The following DLC1 variants were observed in gnomAD, a reference collection of about 807,000 sequenced individuals.
DLC1 encodes the protein DLC1 Rho GTPase activating protein.
DLC1 carries 54 observed loss-of-function variants against 140.3 expected under a neutral mutation model. That is an observed-to-expected ratio of 0.38 (90% CI 0.31 to 0.48). The LOEUF (loss-of-function observed/expected upper bound fraction) is 0.48, where lower values mean the gene tolerates loss of function less well. Among genes scored for constraint, DLC1 ranks in the 20% least tolerant of loss-of-function variants. The pLI, the probability that DLC1 is intolerant of heterozygous loss-of-function variation, is 0.96. For missense variants in DLC1, 2,536 were observed against 1,907.0 expected (o/e 1.33, Z -6.14); for synonymous variants, 986 against 728.1 (o/e 1.35, Z -5.70).
intron 1 of DLC1, among the ~76,000 whole-genome samples, chr8:13,549,344 T>C (rs1404646973): frequency 6.6e-6 from 1 of 152,116 alleles, no homozygotes; most frequent in Non-Finnish European, 1.5e-5. Context: ...TAGGAGCTCA[T>C]TATCCCAAGG....
intron 2 of DLC1, among the ~76,000 whole-genome samples, chr8:13,421,367 A>G (rs73205794): frequency 0.025 from 3,811 of 152,278 alleles, 64 homozygotes; most frequent in Middle Eastern, 0.044. Context: ...GTAGGATTCA[A>G]AAATATTTTT....
At chr8:13,236,828 A>G (rs944772582) in intron 5 of DLC1, among the ~76,000 whole-genome samples, 2 of 152,174 alleles carry the variant, frequency 1.3e-5, no homozygotes, top group South Asian at 2.1e-4. Flanking sequence ...CTACTTGCCC[A>G]TGAGAAGTGT....
At chr8:13,171,767 A>G (rs1825496109) in intron 5 of DLC1, among the ~76,000 whole-genome samples, 1 of 152,186 alleles carries the variant, frequency 6.6e-6, no homozygotes, top group Non-Finnish European at 1.5e-5. Context: ...CATCTAATCA[A>G]GGCCTTGCGG....
chr8:13,495,201 C>T (rs1418956324), intron 2 of DLC1, among the ~76,000 whole-genome samples: 1 of 152,124 alleles, frequency 6.6e-6, no homozygotes, highest in Non-Finnish European at 1.5e-5. Flanking sequence ...AAATTCAGAA[C>T]TATTTAAGTA....
intron 5 of DLC1, among the ~76,000 whole-genome samples, chr8:13,217,039 C>G (rs953243078): frequency 1.4e-4 from 22 of 152,078 alleles, no homozygotes; most frequent in African/African-American, 5.1e-4. Flanking sequence ...TGAATCTAAG[C>G]CCCACTTCCT....
At chr8:13,584,638 C>A (rs1010590184) in intron 1 of DLC1, 3 of 152,118 alleles carry the variant, frequency 2.0e-5, no homozygotes, top group Non-Finnish European at 4.4e-5. Flanking sequence ...TTTATGGGTG[C>A]AAGATTCCTG....
chr8:13,587,920 C>T (rs1423499647), intron 1 of DLC1, among the ~76,000 whole-genome samples: 1 of 151,990 alleles, frequency 6.6e-6, no homozygotes, highest in Non-Finnish European at 1.5e-5. Flanking sequence ...TACAGCAATA[C>T]ATCCAATATG....
chr8:13,155,920 A>G (rs1411771348), intron 5 of DLC1, among the ~76,000 whole-genome samples: 1 of 152,194 alleles, frequency 6.6e-6, no homozygotes, highest in Non-Finnish European at 1.5e-5. Context: ...AAATAAATGC[A>G]CTGGAAACTC....
chr8:13,572,129 AC>A (rs1257202465), intron 1 of DLC1, among the ~76,000 whole-genome samples: 1 of 144,940 alleles, frequency 6.9e-6, no homozygotes, highest in Non-Finnish European at 1.5e-5. Context: ...TCACTCTGTC[AC>A]CCAGGCTGGA....
intron 4 of DLC1, among the ~76,000 whole-genome samples, chr8:13,377,753 C>G (rs1488498893): frequency 6.6e-6 from 1 of 151,956 alleles, no homozygotes; most frequent in Non-Finnish European, 1.5e-5. Context: ...CTTTAAAGGT[C>G]TCTTGTTTTG....
chr8:13,457,733 T>C (rs1324806026), intron 2 of DLC1, among the ~76,000 whole-genome samples: 2 of 151,224 alleles, frequency 1.3e-5, no homozygotes, highest in East Asian at 1.9e-4. Flanking sequence ...ATCCCTTCTT[T>C]GGAGTCAGGT....
intron 7 of DLC1, among the ~76,000 whole-genome samples, chr8:13,110,153 C>T (rs1200599247): frequency 6.6e-6 from 1 of 150,790 alleles, no homozygotes; most frequent in African/African-American, 2.5e-5. Context: ...TTACTTCCAC[C>T]TCACTAAAAC....
intron 1 of DLC1, among the ~76,000 whole-genome samples, chr8:13,551,425 A>T (rs991368234): frequency 3.3e-5 from 5 of 152,048 alleles, no homozygotes; most frequent in Non-Finnish European, 5.9e-5. Context: ...TCCTAAAACT[A>T]ATTTGCCTAA....
chr8:13,119,950 A>G (rs1339662639), intron 5 of DLC1, among the ~76,000 whole-genome samples: 1 of 149,510 alleles, frequency 6.7e-6, no homozygotes, highest in African/African-American at 2.4e-5. Flanking sequence ...ATTTTTAAAA[A>G]TGAGATTTCT....
Position 13,370,728 on chromosome 8 carries a change from T to G in DLC1, c.1314+22825A>C, listed in dbSNP as rs142443086. ...TCTGCTTTTCTTTTGGCTACGTTCT[T>G]AGGTTTTCTTTCTGGGGTGGCAAGA... On this transcript the variant is annotated intron_variant, in intron 4 of 17. Coordinates refer to ENST00000276297, the MANE Select transcript of DLC1 (RefSeq NM_182643.3). 2.6e-5 allele frequency among the ~76,000 whole-genome samples: 4 copies of G among 152,332 alleles called. No individual in the cohort carries two copies. The East Asian group carries it at 7.7e-4, about 29-fold the overall frequency.
intron 1 of DLC1, among the ~76,000 whole-genome samples, chr8:13,522,397 G>GGAAGTT (rs1416398229): frequency 6.6e-6 from 1 of 152,108 alleles, no homozygotes; most frequent in Admixed American, 6.5e-5. Flanking sequence ...GGCTGAGGCG[G>GGAAGTT]GAAGTTCACC....
intron 2 of DLC1, among the ~76,000 whole-genome samples, chr8:13,444,666 C>T (rs1272756723): frequency 6.6e-6 from 1 of 152,136 alleles, no homozygotes; most frequent in African/African-American, 2.4e-5. Context: ...CCAAATTTAT[C>T]TTGACACAGT....
chr8:13,592,830 G>C (rs975337259), intron 1 of DLC1, among the ~76,000 whole-genome samples: 1 of 152,016 alleles, frequency 6.6e-6, no homozygotes, highest in Admixed American at 6.6e-5. Context: ...GCAATGATTT[G>C]TCTCTGTTAC....
At chr8:13,566,363 A>G (rs1386378378) in intron 1 of DLC1, among the ~76,000 whole-genome samples, 2 of 28,980 alleles carry the variant, frequency 6.9e-5, no homozygotes, top group South Asian at 2.6e-3. Flanking sequence ...CCTGCTCCCC[A>G]CCCCCGACCC....
Sources: gnomAD v4.1 joint callset for allele counts (sites outside exome capture counted in the v4.1 genomes callset) on GRCh38, gnomAD v4.1.1 for gene constraint, MANE v1.5 for transcripts, NCBI Gene and HGNC (gene_info 2026-07-23, HGNC 2026-07-21) for gene names.